The following PON1 variants were observed in gnomAD, a reference collection of about 807,000 sequenced individuals.
PON1 encodes paraoxonase 1.
In PON1, 37 loss-of-function variants were observed where a neutral mutation model predicts 39.2. The ratio of observed to expected loss-of-function variants is 0.94; its 90% CI spans 0.73 to 1.24. PON1 has a LOEUF of 1.24. Ranked by LOEUF, PON1 falls within the 50% of genes most tolerant of loss-of-function variation. PON1 has a pLI of 0.00. For missense variants in PON1, 397 were observed against 413.5 expected, an observed-to-expected ratio of 0.96 and a Z score of 0.35; for synonymous variants, 148 against 152.2, an observed-to-expected ratio of 0.97 and a Z score of 0.21.
At chr7:95,302,155 A>C in intron 8 of PON1, 50 bp downstream of exon 8, 2 of 1,515,262 alleles carry the variant, frequency 1.3e-6, no homozygotes, top group Non-Finnish European at 1.8e-6. Context: ...CAACTGAAAA[A>C]ACAGTAGCTG....
At chr7:95,317,155 T>G (rs1324343632) in intron 2 of PON1, among the ~76,000 whole-genome samples, 1 of 152,184 alleles carries the variant, frequency 6.6e-6, no homozygotes, top group African/African-American at 2.4e-5. Context: ...ATTACAAATA[T>G]ATGTTGATAC....
At chr7:95,304,509 C>A (rs560110789) in intron 7 of PON1, among the ~76,000 whole-genome samples, 1 of 151,594 alleles carries the variant, frequency 6.6e-6, no homozygotes, top group East Asian at 2.0e-4. Context: ...ATTTTTTGTA[C>A]CTTTAGTAGA....
rs1373578256 is a variant in PON1, at chr7:95,298,728, A to C, written c.*216T>G. ...GTGAGAAGGATTTTTATGGTAAATG[A>C]GGTTTTCAAGTATTCCAAGACTGAT... On this transcript the variant is annotated 3_prime_UTR_variant, in exon 9 of 9. Coordinates refer to ENST00000222381, the MANE Select transcript of PON1 (RefSeq NM_000446.7). 3.3e-6 allele frequency: 2 copies of C among 607,126 alleles called. No homozygotes were observed. Among genetic ancestry groups the C allele is most frequent in the Non-Finnish European group, 5.8e-6 (2 of 342,276 alleles). 37.6% of individuals were successfully genotyped at this position (607,126 alleles called of 1,614,324 possible).
In PON1 at chr7:95,298,841, G is replaced by GTGACC; in HGVS notation, c.*102_*103insGGTCA. On this transcript the variant is annotated 3_prime_UTR_variant, in exon 9 of 9. Transcript: ENST00000222381. ...TGATGCTTCATGATGTCCACATTTA[G>GTGACC]GGTCAGCATTCATTGTTCAGCTAAG... is the stretch of plus-strand genomic sequence containing the variant. 1 of 1,379,896 alleles carries GTGACC rather than the reference G, an allele frequency of 7.2e-7. No homozygotes were observed. Among genetic ancestry groups the GTGACC allele is most frequent in the Non-Finnish European group, 1.0e-6 (1 of 971,602 alleles). 85.5% of individuals were successfully genotyped at this position (1,379,896 alleles called of 1,614,324 possible). A position where few individuals can be genotyped will look rare whatever the true frequency, so the allele number is the denominator to read the frequency against.
intron 1 of PON1, among the ~76,000 whole-genome samples, chr7:95,320,433 G>A (rs959011136): frequency 6.6e-6 from 1 of 152,170 alleles, no homozygotes; most frequent in Non-Finnish European, 1.5e-5. Flanking sequence ...TCCAATTTGT[G>A]GCCCAAACAT....
chr7:95,321,424 C>G (rs1362410895), intron 1 of PON1, among the ~76,000 whole-genome samples: 3 of 152,230 alleles, frequency 2.0e-5, no homozygotes, highest in African/African-American at 4.8e-5. Context: ...GCCAAATTCA[C>G]TCTAATCAGT....
At chr7:95,321,710 T>C (rs1184079838) in intron 1 of PON1, among the ~76,000 whole-genome samples, 1 of 152,188 alleles carries the variant, frequency 6.6e-6, no homozygotes, top group Non-Finnish European at 1.5e-5. Context: ...ATTTCTTTCA[T>C]ACCTCTTTTT....
chr7:95,299,458 T>C (rs568147469), intron 8 of PON1, among the ~76,000 whole-genome samples: 2 of 152,174 alleles, frequency 1.3e-5, no homozygotes, highest in South Asian at 4.2e-4. Flanking sequence ...GTCAACTTGA[T>C]TGGATTGAAG....
rs181202071 is a variant in PON1 at position 95,310,236 on chromosome 7, G to C, written c.497+1215C>G. ...GGATATAATAATAACACCTAATTCA[G>C]AAGGTATTTGTAAAACATCAATAAA... On this transcript the variant is annotated intron_variant, in intron 5 of 8. Coordinates refer to ENST00000222381, the MANE Select transcript of PON1 (RefSeq NM_000446.7). 5.9e-5 allele frequency among the ~76,000 whole-genome samples: 9 copies of C among 152,302 alleles called. 1 individual carries two copies. The highest frequency in any genetic ancestry group is 5.9e-4 in the Admixed American group (9 of 15,302).
At chr7:95,309,847 A>G (rs951700077) in intron 5 of PON1, among the ~76,000 whole-genome samples, 1 of 152,364 alleles carries the variant, frequency 6.6e-6, no homozygotes, top group Non-Finnish European at 1.5e-5. Flanking sequence ...TGGAATATTA[A>G]TGTTATAAAA....
intron 1 of PON1, among the ~76,000 whole-genome samples, chr7:95,320,546 A>G (rs1807873716): frequency 6.6e-6 from 1 of 152,232 alleles, no homozygotes; most frequent in African/African-American, 2.4e-5. Context: ...TCCCTAAGTT[A>G]TAGTTGACCA....
chr7:95,305,858 A>T (rs575303705), intron 7 of PON1, among the ~76,000 whole-genome samples: 1 of 150,310 alleles, frequency 6.7e-6, no homozygotes, highest in South Asian at 2.1e-4. Context: ...CTTCATAAAC[A>T]TTGTGGAGAG....
chr7:95,323,689 G>A (rs942438574), intron 1 of PON1, among the ~76,000 whole-genome samples: 1 of 152,124 alleles, frequency 6.6e-6, no homozygotes, highest in Non-Finnish European at 1.5e-5. Context: ...ACTTTAAAGG[G>A]AAGCAGGGAA....
intron 6 of PON1, among the ~76,000 whole-genome samples, chr7:95,307,353 C>T (rs577302025): frequency 4.6e-4 from 70 of 152,194 alleles, no homozygotes; most frequent in Middle Eastern, 6.8e-3. Flanking sequence ...ACACCTGGCC[C>T]CTGTTGCTTT....
At chr7:95,323,407 C>T (rs1347734861) in intron 1 of PON1, among the ~76,000 whole-genome samples, 1 of 152,016 alleles carries the variant, frequency 6.6e-6, no homozygotes, top group Non-Finnish European at 1.5e-5. Flanking sequence ...TTTTTCTGCA[C>T]TCTGTAACTT....
intron 4 of PON1, among the ~76,000 whole-genome samples, chr7:95,313,545 T>A (rs1190605738): frequency 6.6e-6 from 1 of 152,130 alleles, no homozygotes; most frequent in Non-Finnish European, 1.5e-5. Flanking sequence ...CTTAAAAATA[T>A]TTTTAAAATA....
At chr7:95,304,164 A>C (rs1385676243) in intron 7 of PON1, among the ~76,000 whole-genome samples, 2 of 152,136 alleles carry the variant, frequency 1.3e-5, no homozygotes, top group African/African-American at 2.4e-5. Context: ...AGTTCCTAGC[A>C]ATCACCATTC....
At chr7:95,324,275 G>T in intron 1 of PON1, 127 bp downstream of exon 1, 1 of 831,112 alleles carries the variant, frequency 1.2e-6, no homozygotes, top group Non-Finnish European at 2.1e-6. Flanking sequence ...AACCCCCGCA[G>T]AGTGTGCATC....
intron 7 of PON1, 129 bp downstream of exon 7, chr7:95,306,156 T>C: frequency 1.3e-6 from 1 of 786,172 alleles, no homozygotes; most frequent in South Asian, 1.4e-5. Context: ...TAATGACTCT[T>C]AATAAAGGAG....
Sources: allele counts gnomAD v4.1 joint callset (sites outside exome capture counted in the v4.1 genomes callset), GRCh38; gene constraint gnomAD v4.1.1; transcripts MANE v1.5; gene names NCBI Gene and HGNC (gene_info 2026-07-23, HGNC 2026-07-21).